KAZN: variants seen among roughly 807,000 people sequenced by gnomAD.
KAZN encodes kazrin, periplakin interacting protein.
In KAZN, 40 loss-of-function variants were observed where a neutral mutation model predicts 87.4. That is an observed-to-expected ratio of 0.46 (90% CI 0.36 to 0.60). The LOEUF is 0.60. KAZN is among the 20% of genes least tolerant of loss of function. KAZN has a pLI of 0.00. For synonymous variants in KAZN, 466 were observed against 458.3 expected, an observed-to-expected ratio of 1.02 and a Z score of -0.22; for missense variants, 898 against 1,073.9, an observed-to-expected ratio of 0.84 and a Z score of 2.29.
chr1:14,123,064 T>C (rs965890970), intron 1 of KAZN, among the ~76,000 whole-genome samples: 3 of 152,192 alleles, frequency 2.0e-5, no homozygotes, highest in African/African-American at 7.2e-5. Context: ...GGAATGTAAA[T>C]AATAGATCAA....
intron 2 of KAZN, among the ~76,000 whole-genome samples, chr1:15,005,729 A>G (rs1668937581): frequency 6.6e-6 from 1 of 151,882 alleles, no homozygotes; most frequent in African/African-American, 2.4e-5. Context: ...CAGAGGTGGC[A>G]GGGAGGTGAG....
chr1:14,171,792 C>T (rs912659355), intron 1 of KAZN, among the ~76,000 whole-genome samples: 1 of 152,140 alleles, frequency 6.6e-6, no homozygotes, highest in Non-Finnish European at 1.5e-5. Context: ...CATCTGGACT[C>T]ATCTACATAA....
At chr1:14,436,159 G>T (rs1666371487) in intron 2 of KAZN, among the ~76,000 whole-genome samples, 1 of 152,064 alleles carries the variant, frequency 6.6e-6, no homozygotes, top group African/African-American at 2.4e-5. Context: ...AACCCGGGAG[G>T]TGGAGGTTGC....
At chr1:14,422,471 C>T (rs1042939269) in intron 2 of KAZN, among the ~76,000 whole-genome samples, 1 of 152,192 alleles carries the variant, frequency 6.6e-6, no homozygotes, top group African/African-American at 2.4e-5. Flanking sequence ...ACCTGCACCA[C>T]CCAGCCCAAT....
intron 1 of KAZN, among the ~76,000 whole-genome samples, chr1:14,055,820 A>G (rs886161581): frequency 3.3e-5 from 5 of 152,166 alleles, no homozygotes; most frequent in African/African-American, 1.2e-4. Flanking sequence ...CAACAGAAAA[A>G]TCAGCCTCCC....
intron 1 of KAZN, among the ~76,000 whole-genome samples, chr1:14,858,410 A>G (rs7521579): frequency 0.31 from 47,407 of 151,526 alleles, 8,870 homozygotes; most frequent in African/African-American, 0.52. Context: ...ACGGGGTTTC[A>G]CCATGTTGGC....
intron 2 of KAZN, among the ~76,000 whole-genome samples, chr1:15,012,517 A>G (rs1183523308): frequency 6.6e-6 from 1 of 152,212 alleles, no homozygotes; most frequent in Non-Finnish European, 1.5e-5. Context: ...CCCTAAAGCT[A>G]GACAACCCCA....
intron 2 of KAZN, among the ~76,000 whole-genome samples, chr1:14,226,688 T>C (rs1324051258): frequency 6.6e-6 from 1 of 152,174 alleles, no homozygotes; most frequent in Non-Finnish European, 1.5e-5. Context: ...AAAGAGAACA[T>C]GGTACATATA....
intron 1 of KAZN, among the ~76,000 whole-genome samples, chr1:14,616,887 T>A (rs1415297457): frequency 1.3e-5 from 2 of 152,210 alleles, no homozygotes; most frequent in African/African-American, 4.8e-5. Flanking sequence ...TGGGTGTCCA[T>A]CAAATCGCTA....
chr1:14,701,968 C>G (rs1407888280), intron 1 of KAZN, among the ~76,000 whole-genome samples: 2 of 152,152 alleles, frequency 1.3e-5, no homozygotes, highest in Admixed American at 1.3e-4. Context: ...TCAGCATACC[C>G]TGTGTGTGTC....
intron 1 of KAZN, among the ~76,000 whole-genome samples, chr1:14,092,177 G>A (rs1339898917): frequency 6.8e-6 from 1 of 146,916 alleles, no homozygotes; most frequent in Non-Finnish European, 1.5e-5. Context: ...TGAAAGCTGC[G>A]CCTCCCGGGT....
At chr1:14,659,721 C>G (rs1461307398) in intron 1 of KAZN, among the ~76,000 whole-genome samples, 1 of 152,058 alleles carries the variant, frequency 6.6e-6, no homozygotes, top group African/African-American at 2.4e-5. Flanking sequence ...ATTTAGAAAC[C>G]ATGATCCCTA....
chr1:13,929,566 T>G (rs940202278), intron 1 of KAZN, among the ~76,000 whole-genome samples: 7 of 152,164 alleles, frequency 4.6e-5, no homozygotes, highest in African/African-American at 1.7e-4. Context: ...GCCTTGAGCC[T>G]GACATCTGGG....
At chr1:14,277,222 C>A (rs1303395068) in intron 2 of KAZN, among the ~76,000 whole-genome samples, 1 of 152,108 alleles carries the variant, frequency 6.6e-6, no homozygotes, top group Non-Finnish European at 1.5e-5. Flanking sequence ...CACACCCAAC[C>A]CTGAATTATT....
chr1:14,987,179 G>A lies in KAZN; in HGVS notation c.418+26304G>A, dbSNP rs549586221. On this transcript the variant is annotated intron_variant, in intron 2 of 14. Coordinates refer to ENST00000376030, the MANE Select transcript of KAZN (RefSeq NM_201628.3). Reference sequence around the variant, plus strand: ...AAGGCGCAGAAGAGAGTGTAGGGCTGCTTTGCACACGATTGCCAAAGAAGT... The same window carrying A: ...AAGGCGCAGAAGAGAGTGTAGGGCTACTTTGCACACGATTGCCAAAGAAGT... Among the ~76,000 whole-genome samples, 8 of 152,246 alleles carry A rather than the reference G, an allele frequency of 5.3e-5. No homozygotes were observed. In the South Asian group the frequency reaches 1.5e-3, roughly 28 times the overall value.
At position 14,908,628 on chromosome 1, in the gene KAZN, G is replaced by T. The variant is rs143413354; in HGVS notation, c.227-52056G>T. On this transcript the variant is annotated intron_variant, in intron 1 of 14. Coordinates refer to ENST00000376030, the MANE Select transcript of KAZN (RefSeq NM_201628.3). ...GCTACTCAGGAGGCTGAGGTGGGAG[G>T]ATTGCTTGAGGCTGGGAGGTTGAGG... is the stretch of plus-strand genomic sequence containing the variant. 2.0e-3 allele frequency among the ~76,000 whole-genome samples: 299 copies of T among 152,194 alleles called. 2 individuals are homozygous for T. Among genetic ancestry groups the T allele is most frequent in the Non-Finnish European group, 4.3e-4 (29 of 68,006 alleles).
chr1:13,972,413 C>T (rs554710397), intron 1 of KAZN, among the ~76,000 whole-genome samples: 1 of 152,006 alleles, frequency 6.6e-6, no homozygotes, highest in African/African-American at 2.4e-5. Flanking sequence ...TGAAGATGCT[C>T]CCAGCATCTT....
chr1:14,401,705 A>G (rs1663422860), intron 2 of KAZN, among the ~76,000 whole-genome samples: 1 of 152,278 alleles, frequency 6.6e-6, no homozygotes, highest in East Asian at 1.9e-4. Flanking sequence ...ATAAATAAGT[A>G]AAAATGTAAA....
intron 2 of KAZN, among the ~76,000 whole-genome samples, chr1:14,313,419 TTA>T (rs1236282500): frequency 6.6e-6 from 1 of 152,216 alleles, no homozygotes; most frequent in Non-Finnish European, 1.5e-5. Flanking sequence ...TGTCTTGCTA[TTA>T]TGTTCATCTA....
Sources: allele counts gnomAD v4.1 joint callset (sites outside exome capture counted in the v4.1 genomes callset), GRCh38; gene constraint gnomAD v4.1.1; transcripts MANE v1.5; gene names NCBI Gene and HGNC (gene_info 2026-07-23, HGNC 2026-07-21).